SHROOM2: variants seen among roughly 807,000 people sequenced by gnomAD.
SHROOM2 encodes protein Shroom2.
SHROOM2 carries 33 observed loss-of-function variants against 75.9 expected under a neutral mutation model. The ratio of observed to expected loss-of-function variants is 0.43; its 90% CI spans 0.33 to 0.58. The LOEUF (loss-of-function observed/expected upper bound fraction) is 0.58, where lower values mean the gene tolerates loss of function less well. Among genes scored for constraint, SHROOM2 ranks in the 20% least tolerant of loss-of-function variants. SHROOM2 has a pLI of 0.04. For synonymous variants in SHROOM2, 655 were observed against 663.6 expected, an observed-to-expected ratio of 0.99 and a Z score of 0.20; for missense variants, 1,434 against 1,461.2, an observed-to-expected ratio of 0.98 and a Z score of 0.30.
At position 9,848,587 on chromosome X, in the gene SHROOM2, C is replaced by T. The variant is rs138915077; in HGVS notation, c.166-25065C>T. 7.3e-3 allele frequency among the ~76,000 whole-genome samples: 763 copies of T among 104,211 alleles called. 5 individuals carry two copies. The highest frequency in any genetic ancestry group is 0.026 in the African/African-American group (738 of 28,867). The allele number at this position is 104,211 out of a possible 115,157, so 90.5% of individuals were successfully genotyped here. ...AAGTTCTACATGTCTAGAGATAAAA[C>T]TCTCTTTATACGGGGATGTGAGGAG... On this transcript the variant is annotated intron_variant, in intron 1 of 9. Transcript: ENST00000380913.
At chrX:9,920,380 A>G (rs1279569405) in intron 5 of SHROOM2, among the ~76,000 whole-genome samples, 1 of 112,621 alleles carries the variant, frequency 8.9e-6, no homozygotes, top group Non-Finnish European at 1.9e-5. Flanking sequence ...AGAAATTCAC[A>G]TACACATTTG....
In SHROOM2 at chrX:9,895,938, C is replaced by T. The variant is rs1272069749; in HGVS notation, c.2030C>T (p.Ala677Val). 1 of 1,195,280 alleles carries T rather than the reference C, an allele frequency of 8.4e-7. No homozygotes were observed. The highest frequency in any genetic ancestry group is 3.0e-5 in the East Asian group (1 of 33,194). The change falls in exon 4 of 10, where the codon GCT becomes GTT. Residue 677 changes from alanine to valine, a missense_variant. Transcript: ENST00000380913. ...GGTGGCACCCAGGAAGGACCCCTCG[C>T]TGGCACCTATAAAGACCACCTGAAA... Reference protein sequence around the residue: ...LGGGTQEGPLAGTYKDHLKEA... With the variant: ...LGGGTQEGPLVGTYKDHLKEA...
intron 2 of SHROOM2, among the ~76,000 whole-genome samples, chrX:9,879,111 G>C (rs2084217638): frequency 1.8e-5 from 2 of 111,172 alleles, no homozygotes; most frequent in African/African-American, 3.3e-5. Context: ...GCCCAGGCTG[G>C]AGTGCGGTGG....
chrX:9,894,844 A>ATCCCCACCTCC lies in SHROOM2; in HGVS notation c.942_952dup (p.Pro318HisfsTer147). 1 of 1,210,916 alleles carries ATCCCCACCTCC rather than the reference A, an allele frequency of 8.3e-7. No homozygotes were observed. Among genetic ancestry groups the ATCCCCACCTCC allele is most frequent in the Non-Finnish European group, 1.1e-6 (1 of 895,226 alleles). ...TTCCCGATAAGAAGAAAGCACCATC[A>ATCCCCACCTCC]TCCCCACCTCCTCCCCCTCCCCCTC... On this transcript the variant is annotated frameshift_variant, in exon 4 of 10. Transcript: ENST00000380913. LOFTEE classifies it high-confidence loss of function.
intron 1 of SHROOM2, among the ~76,000 whole-genome samples, chrX:9,821,929 T>G (rs968259177): frequency 1.8e-5 from 2 of 112,018 alleles, no homozygotes; most frequent in Admixed American, 9.5e-5. Context: ...TTATCGTATG[T>G]GAGTTATACT....
chrX:9,818,989 C>T (rs750467095), intron 1 of SHROOM2: 17 of 773,703 alleles, frequency 2.2e-5, no homozygotes, highest in Admixed American at 2.1e-4. Flanking sequence ...CTGCTGGATA[C>T]GGAGCCATTT....
At chrX:9,943,952 C>T (rs911826529) in intron 8 of SHROOM2, among the ~76,000 whole-genome samples, 6 of 110,459 alleles carry the variant, frequency 5.4e-5, no homozygotes, top group African/African-American at 9.9e-5. Flanking sequence ...GAGGCCAAGG[C>T]GGGTGGATCA....
At chrX:9,855,588 C>T (rs1314501677) in intron 1 of SHROOM2, among the ~76,000 whole-genome samples, 1 of 111,322 alleles carries the variant, frequency 9.0e-6, no homozygotes, top group Non-Finnish European at 1.9e-5. Context: ...GATTTTGTCC[C>T]TAAAAGGACT....
chrX:9,840,366 C>T (rs1260271210), intron 1 of SHROOM2, among the ~76,000 whole-genome samples: 1 of 111,610 alleles, frequency 9.0e-6, no homozygotes, highest in African/African-American at 3.3e-5. Flanking sequence ...CTCCTGGGAT[C>T]AAGCAATTCT....
At chrX:9,920,023 TAACTCAGACAGACATCTCAACTCACTAC>T in intron 5 of SHROOM2, among the ~76,000 whole-genome samples, 1 of 111,435 alleles carries the variant, frequency 9.0e-6, no homozygotes, top group Non-Finnish European at 1.9e-5. Flanking sequence ...CAACTCACTA[TAACTCAGACAGACATCTCAACTCACTAC>T]AACTCATCAG....
chrX:9,819,156 GT>G, intron 1 of SHROOM2: 1 of 1,179,650 alleles, frequency 8.5e-7, no homozygotes, highest in Non-Finnish European at 1.1e-6. Flanking sequence ...ATTACCTATT[GT>G]TTGCTGCTTT....
At chrX:9,892,798 CTCA>C (rs2084301593) in intron 3 of SHROOM2, among the ~76,000 whole-genome samples, 1 of 112,332 alleles carries the variant, frequency 8.9e-6, no homozygotes, top group African/African-American at 3.2e-5. Context: ...ACACGGTTCT[CTCA>C]TCCTCACTCT....
At chrX:9,919,384 T>C (rs1224491466) in intron 5 of SHROOM2, among the ~76,000 whole-genome samples, 1 of 86,743 alleles carries the variant, frequency 1.2e-5, no homozygotes, top group Non-Finnish European at 2.1e-5. Flanking sequence ...CAGTCTGGAG[T>C]GCAGTGGCAT....
intron 8 of SHROOM2, among the ~76,000 whole-genome samples, chrX:9,942,575 C>A (rs2084781795): frequency 8.9e-6 from 1 of 111,798 alleles, no homozygotes; most frequent in South Asian, 3.7e-4. Context: ...GAAACATTTA[C>A]ATCTATGATA....
chrX:9,892,767 C>T (rs2084301460), intron 3 of SHROOM2, among the ~76,000 whole-genome samples: 2 of 112,314 alleles, frequency 1.8e-5, no homozygotes, highest in Non-Finnish European at 3.8e-5. Flanking sequence ...GCCAGTTGTT[C>T]TCCAGTGTTC....
rs773543500 is a variant in SHROOM2, at chrX:9,866,084, A to ATT, written c.166-7545_166-7544dup. On this transcript the variant is annotated intron_variant, in intron 1 of 9. Transcript: ENST00000380913. Reference sequence around the variant, plus strand: ...TCTGGGACCACAGCAGGGGCCAGGAATTTTTTTTTTTTTTTTTTTTTTTTA... The same window carrying ATT: ...TCTGGGACCACAGCAGGGGCCAGGAATTTTTTTTTTTTTTTTTTTTTTTTTTA... 7.7e-3 allele frequency among the ~76,000 whole-genome samples: 609 copies of ATT among 78,721 alleles called. 17 individuals carry two copies. Among genetic ancestry groups the ATT allele is most frequent in the African/African-American group, 0.028 (532 of 19,249 alleles). 68.4% of individuals were successfully genotyped at this position (78,721 alleles called of 115,157 possible). A position where few individuals can be genotyped will look rare whatever the true frequency, so the allele number is the denominator to read the frequency against.
rs201911751 is a variant in SHROOM2, at chrX:9,895,734, C to T, written c.1826C>T (p.Pro609Leu). 5.3e-5 allele frequency: 63 copies of T among 1,194,659 alleles called. No individual in the cohort carries two copies. In the Admixed American group the frequency reaches 1.0e-3, roughly 19 times the overall value. The change falls in exon 4 of 10, where the codon CCG (proline) becomes CTG (leucine). Residue 609 changes from proline (P) to leucine (L), a missense_variant. Around this residue, in one of 3 missense-constraint regions of SHROOM2, gnomAD observed 1,340 missense variants for 1,338.3 expected, o/e 1.00. Coordinates refer to ENST00000380913, the MANE Select transcript of SHROOM2 (RefSeq NM_001649.4). ...ESSPEDSATR[P>L]PPFDAHVGKP... is the part of the protein sequence containing the mutation. ...AGTCCAGAGGACAGCGCCACCAGACCGCCACCGTTCGACGCCCACGTGGGC... is the reference window on the plus strand; with the variant it reads ...AGTCCAGAGGACAGCGCCACCAGACTGCCACCGTTCGACGCCCACGTGGGC...
At chrX:9,850,795 G>T (rs2084034849) in intron 1 of SHROOM2, among the ~76,000 whole-genome samples, 1 of 101,592 alleles carries the variant, frequency 9.8e-6, no homozygotes, top group Admixed American at 1.2e-4. Context: ...TCGTGCCACT[G>T]CACTCCAGCC....
intron 3 of SHROOM2, among the ~76,000 whole-genome samples, chrX:9,893,777 C>A (rs904168854): frequency 3.6e-5 from 4 of 109,625 alleles, no homozygotes; most frequent in Non-Finnish European, 7.6e-5. Flanking sequence ...CATGGTGAAA[C>A]CCCGTCTCTA....
Sources: allele counts gnomAD v4.1 joint callset (sites outside exome capture counted in the v4.1 genomes callset), GRCh38; gene constraint gnomAD v4.1.1; regional missense constraint gnomAD v4.1.1; transcripts MANE v1.5; gene names NCBI Gene and HGNC (gene_info 2026-07-23, HGNC 2026-07-21).